The following RFX4 variants were observed in gnomAD, a reference collection of about 807,000 sequenced individuals.
The protein encoded by RFX4 is transcription factor RFX4.
In RFX4, 10 loss-of-function variants were observed where a neutral mutation model predicts 95.0. That is an observed-to-expected ratio of 0.11 (90% CI 0.06 to 0.18). RFX4 has a LOEUF of 0.18. RFX4 is among the 10% of genes least tolerant of loss of function. RFX4 has a pLI of 1.00. For missense variants in RFX4, 640 were observed against 922.0 expected, an observed-to-expected ratio of 0.69 and a Z score of 3.96; for synonymous variants, 321 against 340.7, an observed-to-expected ratio of 0.94 and a Z score of 0.64.
At chr12:106,687,178 TCTCTCACA>T in intron 6 of RFX4, 81 bp downstream of exon 6, 1 of 742,312 alleles carries the variant, frequency 1.3e-6, no homozygotes, top group East Asian at 2.8e-5. Flanking sequence ...TCTCTCTCTC[TCTCTCACA>T]CACACACACA....
intron 11 of RFX4, among the ~76,000 whole-genome samples, chr12:106,718,733 A>T (rs2042339289): frequency 6.6e-6 from 1 of 152,210 alleles, no homozygotes; most frequent in Admixed American, 6.5e-5. Flanking sequence ...GCATACAGAA[A>T]CACAAAAATG....
chr12:106,743,169 A>T (rs567700325), intron 15 of RFX4, among the ~76,000 whole-genome samples: 2 of 152,138 alleles, frequency 1.3e-5, no homozygotes, highest in Non-Finnish European at 2.9e-5. Context: ...AAATAAATAG[A>T]AATGTGAGGA....
chr12:106,696,303 C>A lies in RFX4; in HGVS notation c.690C>A (p.His230Gln). The A allele has an allele frequency of 1.2e-6, 2 of 1,614,224 alleles. No homozygotes were observed. The highest frequency in any genetic ancestry group is 1.7e-6 in the Non-Finnish European group (2 of 1,180,028). ...NFDEVQSFLL[H>Q]FWQGMPPHML... The stretch of plus-strand genomic sequence containing the variant: ...TACAGGTTCAAAGTTTCCTTCTGCA[C>A]TTTTGGCAAGGAATGCCGCCCCACA... The change falls in exon 8 of 18, where the codon CAC becomes CAA. Residue 230 changes from histidine to glutamine, a missense_variant. Physicochemically the swap from His to Gln is conservative, Grantham distance 24 (BLOSUM62 0). Transcript: ENST00000392842.
rs2039455986 is a variant in RFX4 at position 106,586,225 on chromosome 12, G to C, written c.43+2862G>C. On this transcript the variant is annotated intron_variant, in intron 1 of 17. Coordinates refer to ENST00000392842, the MANE Select transcript of RFX4 (RefSeq NM_213594.3). This position sits in a 1 kb window ranked among gnomAD's most constrained non-coding sequence, Gnocchi z 5.6. ...CGACGCACCTTCTGGCCGGTGCGCG[G>C]TTTGCAGTAAGCGCAGGCGCGCGTC... Among the ~76,000 whole-genome samples the C allele has an allele frequency of 6.6e-6, 1 of 152,092 alleles. No individual in the cohort carries two copies. Among genetic ancestry groups the C allele is most frequent in the Non-Finnish European group, 1.5e-5 (1 of 67,998 alleles).
At chr12:106,666,645 G>T (rs1377570931) in intron 4 of RFX4, among the ~76,000 whole-genome samples, 1 of 152,006 alleles carries the variant, frequency 6.6e-6, no homozygotes, top group Non-Finnish European at 1.5e-5. Flanking sequence ...AGTTTCTGTT[G>T]ATATCTACAC....
At chr12:106,628,578 T>C (rs1283407855) in intron 2 of RFX4, among the ~76,000 whole-genome samples, 6 of 152,070 alleles carry the variant, frequency 3.9e-5, no homozygotes, top group Admixed American at 3.9e-4. Flanking sequence ...TAGTTTTGAA[T>C]AGATAATACA....
intron 8 of RFX4, among the ~76,000 whole-genome samples, chr12:106,704,442 CA>C (rs970633242): frequency 4.6e-5 from 7 of 152,212 alleles, no homozygotes; most frequent in Non-Finnish European, 7.3e-5. Flanking sequence ...GCTGACTTTT[CA>C]GTTTTATATA....
In RFX4 at chr12:106,682,175, G is replaced by A. The variant is rs2041528318; in HGVS notation, c.377+121G>A. 3.0e-6 allele frequency: 3 copies of A among 1,016,080 alleles called. No individual in the cohort carries two copies. In the South Asian group the frequency reaches 4.1e-5, roughly 14 times the overall value. The allele number at this position is 1,016,080 out of a possible 1,614,324, so 62.9% of individuals were successfully genotyped here. ...GGCCTGGCAGAAGTCTGTGCCTAGA[G>A]GGAATATGGAAGAGCTTTATGACGG... On this transcript the variant is annotated intron_variant, in intron 5 of 17. Transcript: ENST00000392842.
At chr12:106,598,694 T>C (rs186940798) in intron 1 of RFX4, among the ~76,000 whole-genome samples, 133 of 152,288 alleles carry the variant, frequency 8.7e-4, no homozygotes, top group African/African-American at 3.1e-3. Flanking sequence ...TCCTGAGCTT[T>C]TGGGGGAATT....
At chr12:106,731,907 C>T (rs1565998410) in intron 13 of RFX4, among the ~76,000 whole-genome samples, 3 of 152,082 alleles carry the variant, frequency 2.0e-5, no homozygotes, top group African/African-American at 7.2e-5. Context: ...GATTCACTTG[C>T]CACAAAGTGT....
In RFX4 at chr12:106,641,535, C is replaced by T. The variant is rs2040622480; in HGVS notation, c.191+2143C>T. On this transcript the variant is annotated intron_variant, in intron 3 of 17. Coordinates refer to ENST00000392842, the MANE Select transcript of RFX4 (RefSeq NM_213594.3). ...CTCCCTGGCATAGGCACAGCCAGTTCTCCTTCTATGGTACCTAATTCTGCA... is the reference window on the plus strand; with the variant it reads ...CTCCCTGGCATAGGCACAGCCAGTTTTCCTTCTATGGTACCTAATTCTGCA... Among the ~76,000 whole-genome samples, 4 of 152,198 alleles carry T rather than the reference C, an allele frequency of 2.6e-5. No homozygotes were observed. In the South Asian group the frequency reaches 6.2e-4, roughly 24 times the overall value.
intron 3 of RFX4, among the ~76,000 whole-genome samples, chr12:106,642,908 G>A (rs970952186): frequency 5.9e-5 from 9 of 152,204 alleles, no homozygotes; most frequent in African/African-American, 1.7e-4. Context: ...GCCTACAGGT[G>A]GTTTATTAGG....
At position 106,761,464 on chromosome 12, in the gene RFX4, A is replaced by G. The variant is rs1164304587; in HGVS notation, c.2203A>G (p.Lys735Glu). The G allele has an allele frequency of 1.9e-6, 3 of 1,599,382 alleles. No homozygotes were observed. In the African/African-American group the frequency reaches 4.0e-5, roughly 21 times the overall value. The change falls in exon 18 of 18, where the codon AAA becomes GAA. Residue 735 changes from lysine to glutamate, a missense_variant. By Grantham distance (56) the Lys-to-Glu change is moderately conservative (BLOSUM62 1). Transcript: ENST00000392842. ...CGGAGAGGCCTCTACAGGATGGGCTAAATGACTGCTATCATAGGCATCCAT... is the reference window on the plus strand; with the variant it reads ...CGGAGAGGCCTCTACAGGATGGGCTGAATGACTGCTATCATAGGCATCCAT... Reference protein sequence around the residue: ...INGEASTGWAK With the variant: ...INGEASTGWAE
intron 1 of RFX4, chr12:106,601,334 C>A (rs752551451): frequency 1.9e-6 from 3 of 1,585,250 alleles, no homozygotes; most frequent in South Asian, 1.1e-5. Context: ...GCCTCGACGG[C>A]GCCGTTCCAC....
At chr12:106,670,147 A>G (rs2137364988) in intron 4 of RFX4, among the ~76,000 whole-genome samples, 1 of 152,328 alleles carries the variant, frequency 6.6e-6, no homozygotes, top group East Asian at 1.9e-4. Context: ...GCAATATTTC[A>G]TGATCACTAA....
chr12:106,659,240 A>C (rs537312078), intron 4 of RFX4, among the ~76,000 whole-genome samples: 3 of 152,094 alleles, frequency 2.0e-5, no homozygotes, highest in South Asian at 2.1e-4. Flanking sequence ...GGGTCTGGCT[A>C]TCTGTGGCTT....
chr12:106,638,676 C>T (rs2040561070), intron 2 of RFX4, among the ~76,000 whole-genome samples: 1 of 152,178 alleles, frequency 6.6e-6, no homozygotes, highest in Non-Finnish European at 1.5e-5. Context: ...TTCATTCTCC[C>T]AGTTCTGGAG....
chr12:106,684,835 G>A lies in RFX4; in HGVS notation c.378-2049G>A, dbSNP rs780183247. The A allele has an allele frequency of 5.7e-6, 9 of 1,572,226 alleles. No homozygotes were observed. The South Asian group carries it at 1.0e-4, about 18-fold the overall frequency. On this transcript the variant is annotated intron_variant, in intron 5 of 17. Transcript: ENST00000392842. ...CAAAATGAACTGGGCTGCCTTCGGA[G>A]GGTCTGAATTCTTCATCCCAGAAGG...
rs34232717 is a variant in RFX4 at position 106,640,778 on chromosome 12, C to CTTT, written c.191+1404_191+1406dup. Among the ~76,000 whole-genome samples the CTTT allele has an allele frequency of 5.4e-3, 668 of 123,572 alleles. 7 individuals are homozygous for CTTT. The highest frequency in any genetic ancestry group is 0.015 in the South Asian group (58 of 3,772). 81.1% of individuals were successfully genotyped at this position (123,572 alleles called of 152,430 possible). ...TCTAGACATGCATGGAATTGACAGA[C>CTTT]TTTTTTTTTTTTTTTTTTTTGAGGT... On this transcript the variant is annotated intron_variant, in intron 3 of 17. Transcript: ENST00000392842.
Sources: gnomAD v4.1 joint callset for allele counts (sites outside exome capture counted in the v4.1 genomes callset) on GRCh38, gnomAD v4.1.1 for gene constraint, Gnocchi (gnomAD v3.1) non-coding constraint, MANE v1.5 for transcripts, NCBI Gene and HGNC (gene_info 2026-07-23, HGNC 2026-07-21) for gene names.